The following LRRK1 variants were observed in gnomAD, a reference collection of about 807,000 sequenced individuals.
LRRK1 encodes the protein leucine rich repeat kinase 1, also known as leucine-rich repeat serine/threonine-protein kinase 1.
A neutral mutation model predicts 209.1 loss-of-function variants in LRRK1; 113 were observed. The ratio of observed to expected loss-of-function variants is 0.54; its 90% CI spans 0.46 to 0.63. LRRK1 has a LOEUF of 0.63. Ranked by LOEUF, LRRK1 falls within the 30% of genes least tolerant of loss-of-function variation. The pLI is 0.00. For missense variants in LRRK1, 2,284 were observed against 2,632.2 expected (o/e 0.87, Z 2.89); for synonymous variants, 1,144 against 1,099.7 (o/e 1.04, Z -0.80).
At chr15:100,995,518 T>C (rs2032363923) in intron 6 of LRRK1, among the ~76,000 whole-genome samples, 1 of 152,214 alleles carries the variant, frequency 6.6e-6, no homozygotes, top group African/African-American at 2.4e-5. Context: ...TTTGCCTGGC[T>C]GGGCAGTGCT....
intron 15 of LRRK1, among the ~76,000 whole-genome samples, chr15:101,023,799 C>T (rs1175287394): frequency 2.6e-5 from 4 of 152,212 alleles, no homozygotes; most frequent in Non-Finnish European, 5.9e-5. Context: ...AGGGGTGAAG[C>T]GCTGCCTGTT....
intron 20 of LRRK1, among the ~76,000 whole-genome samples, chr15:101,031,281 G>A (rs571877456): frequency 2.6e-5 from 4 of 152,268 alleles, no homozygotes; most frequent in South Asian, 2.1e-4. Flanking sequence ...CTTCCCATCC[G>A]TGTCAGCACC....
chr15:100,966,131 G>A (rs28751980), intron 2 of LRRK1, among the ~76,000 whole-genome samples: 133 of 152,102 alleles, frequency 8.7e-4, no homozygotes, highest in Non-Finnish European at 1.6e-3. Flanking sequence ...GTATAAATGT[G>A]TTTCCTACAT....
intron 15 of LRRK1, among the ~76,000 whole-genome samples, chr15:101,023,722 T>C (rs1305811523): frequency 6.6e-6 from 1 of 152,182 alleles, no homozygotes; most frequent in Non-Finnish European, 1.5e-5. Context: ...TTTCCAAACC[T>C]GCTTTGAAAA....
rs1387502703 is a variant in LRRK1 at position 101,068,965 on chromosome 15, G to A, written c.*117G>A. The A allele has an allele frequency of 9.7e-6, 10 of 1,029,880 alleles. No homozygotes were observed. The highest frequency in any genetic ancestry group is 4.9e-5 in the African/African-American group (3 of 61,314). The allele number at this position is 1,029,880 out of a possible 1,614,324, so 63.8% of individuals were successfully genotyped here. On this transcript the variant is annotated 3_prime_UTR_variant, in exon 34 of 34. Coordinates refer to ENST00000388948, the MANE Select transcript of LRRK1 (RefSeq NM_024652.6). Reference sequence around the variant, plus strand: ...TAGAAGACAGATGGAGTTCTCCCCTGAACTCCTTGCTGCTAAGAAGTGCTG... The same window carrying A: ...TAGAAGACAGATGGAGTTCTCCCCTAAACTCCTTGCTGCTAAGAAGTGCTG...
rs1363187274 is a variant in LRRK1, at chr15:100,924,137, T to C, written c.-122-374T>C. ...TATGTCTGCCCTACCCCCACTGGAGTGTGCCCCTGAGGGCAAGAGCCTCCT... is the reference window on the plus strand; with the variant it reads ...TATGTCTGCCCTACCCCCACTGGAGCGTGCCCCTGAGGGCAAGAGCCTCCT... On this transcript the variant is annotated intron_variant, in intron 1 of 33. Coordinates refer to ENST00000388948, the MANE Select transcript of LRRK1 (RefSeq NM_024652.6). Among the ~76,000 whole-genome samples, 3 of 152,252 alleles carry C rather than the reference T, an allele frequency of 2.0e-5. No individual in the cohort carries two copies. In the East Asian group the frequency reaches 5.8e-4, roughly 29 times the overall value.
At position 101,054,913 on chromosome 15, in the gene LRRK1, T is replaced by G. The variant is rs1441065644; in HGVS notation, c.4055-33T>G. ...ATTTGATTCTATCAAAACTGAAATTTTGATACATTTGAAAATTGTTTTTCT... is the reference window on the plus strand; with the variant it reads ...ATTTGATTCTATCAAAACTGAAATTGTGATACATTTGAAAATTGTTTTTCT... On this transcript the variant is annotated intron_variant, in intron 26 of 33. Transcript: ENST00000388948. 6.5e-6 allele frequency: 10 copies of G among 1,539,056 alleles called. No individual in the cohort carries two copies. The East Asian group carries it at 2.3e-4, about 35-fold the overall frequency.
rs779167127 is a variant in LRRK1, at chr15:101,065,775, C to T, written c.5338C>T (p.Pro1780Ser). Residue 1780 changes from proline to serine, a missense_variant, in exon 32 of 34, where the codon CCC becomes TCC. Physicochemically the swap from Pro to Ser is moderately conservative, Grantham distance 74. This residue lies in a region of LRRK1 where 643 missense variants were observed against 695.9 expected (regional missense o/e 0.92). Transcript: ENST00000388948. ...QLCARYFCGV[P>S]SPLRDMFPVR... ...GTGTGCCCGGTACTTCTGCGGGGTC[C>T]CCAGCCCCCTCAGGGACATGTTTCC... 10 of 1,614,018 alleles carry T rather than the reference C, an allele frequency of 6.2e-6. No individual in the cohort carries two copies.
chr15:101,021,736 G>T (rs976921609), intron 13 of LRRK1, 109 bp from the exon 14 acceptor site: 9 of 698,610 alleles, frequency 1.3e-5, no homozygotes, highest in Non-Finnish European at 1.7e-5. Flanking sequence ...GTGGGGTCTG[G>T]GGTACAGGCT....
At chr15:100,986,185 TAGA>T (rs942928765) in intron 4 of LRRK1, among the ~76,000 whole-genome samples, 6 of 152,102 alleles carry the variant, frequency 3.9e-5, no homozygotes, top group African/African-American at 1.4e-4. Context: ...CAGGCTGAGA[TAGA>T]AGGAGACCCT....
chr15:101,031,203 C>T (rs972045667), intron 20 of LRRK1, among the ~76,000 whole-genome samples: 2 of 152,196 alleles, frequency 1.3e-5, no homozygotes, highest in African/African-American at 4.8e-5. Context: ...ACTGTGCAAG[C>T]AGCACCTGCC....
chr15:101,074,082 C>T lies in LRRK1; in HGVS notation c.*5234C>T, dbSNP rs1297884494. On this transcript the variant is annotated 3_prime_UTR_variant, in exon 34 of 34. Coordinates refer to ENST00000388948, the MANE Select transcript of LRRK1 (RefSeq NM_024652.6). ...TTACACATCAGTCCCTCCCTAGTCT[C>T]TGTTCCCAGTGCAACTCATCCCAAA... The T allele has an allele frequency of 1.3e-5, 2 of 152,206 alleles. No individual in the cohort carries two copies. Among genetic ancestry groups the T allele is most frequent in the Non-Finnish European group, 2.9e-5 (2 of 68,042 alleles). The allele number at this position is 152,206 out of a possible 1,614,324, so 9.4% of individuals were successfully genotyped here. A position where few individuals can be genotyped will look rare whatever the true frequency, so the allele number is the denominator to read the frequency against.
chr15:101,019,662 G>T (rs370913346), intron 12 of LRRK1, among the ~76,000 whole-genome samples: 1 of 152,216 alleles, frequency 6.6e-6, no homozygotes, highest in African/African-American at 2.4e-5. Flanking sequence ...AAGGGCAACC[G>T]AGCCTGGTTT....
intron 11 of LRRK1, among the ~76,000 whole-genome samples, chr15:101,014,770 CA>C (rs750100605): frequency 9.9e-5 from 15 of 152,218 alleles, no homozygotes; most frequent in Non-Finnish European, 1.9e-4. Flanking sequence ...CTAATGACCT[CA>C]TTTTAACTTA....
intron 6 of LRRK1, among the ~76,000 whole-genome samples, chr15:100,995,724 C>T (rs971554485): frequency 6.6e-6 from 1 of 152,196 alleles, no homozygotes; most frequent in Non-Finnish European, 1.5e-5. Flanking sequence ...CCACGATGTT[C>T]GCTCCTGTTC....
rs564243768 is a variant in LRRK1, at chr15:101,042,124, C to T, written c.2964-3857C>T. ...GGAAAAATGTTGATTGTTTCTGGTG[C>T]TCTTCACTTCTTTCCATCTGGTATA... On this transcript the variant is annotated intron_variant, in intron 20 of 33. Transcript: ENST00000388948. 2.0e-5 allele frequency among the ~76,000 whole-genome samples: 3 copies of T among 152,302 alleles called. No individual in the cohort carries two copies. In the East Asian group the frequency reaches 5.8e-4, roughly 29 times the overall value.
intron 12 of LRRK1, among the ~76,000 whole-genome samples, chr15:101,019,417 C>A (rs939268817): frequency 1.3e-5 from 2 of 152,164 alleles, no homozygotes; most frequent in African/African-American, 4.8e-5. Context: ...CCTTACCTAG[C>A]AAGGACTCAT....
At chr15:101,049,034 A>G (rs547337916) in intron 22 of LRRK1, among the ~76,000 whole-genome samples, 1 of 152,238 alleles carries the variant, frequency 6.6e-6, no homozygotes, top group African/African-American at 2.4e-5. Flanking sequence ...CAGGCTGGGG[A>G]CAGGGGATGC....
chr15:100,941,234 C>CCGTG (rs1567190488), intron 2 of LRRK1, among the ~76,000 whole-genome samples: 17 of 127,550 alleles, frequency 1.3e-4, no homozygotes, highest in Non-Finnish European at 2.3e-4. Context: ...GTGTGTGTGT[C>CCGTG]TGTGTGTGTC....
Sources: allele counts gnomAD v4.1 joint callset (sites outside exome capture counted in the v4.1 genomes callset), GRCh38; gene constraint gnomAD v4.1.1; regional missense constraint gnomAD v4.1.1; transcripts MANE v1.5; gene names NCBI Gene and HGNC (gene_info 2026-07-23, HGNC 2026-07-21).